The following SBK1 variants were observed in gnomAD, a reference collection of about 807,000 sequenced individuals.
The protein encoded by SBK1 is serine/threonine-protein kinase SBK1.
A neutral mutation model predicts 24.4 loss-of-function variants in SBK1; 11 were observed. The observed-to-expected ratio is 0.45, with a 90% confidence interval of 0.28 to 0.75. The LOEUF (loss-of-function observed/expected upper bound fraction) is 0.75. SBK1 is among the 30% of genes least tolerant of loss of function. SBK1 has a pLI of 0.12. For synonymous variants in SBK1, 308 were observed against 284.4 expected, an observed-to-expected ratio of 1.08 and a Z score of -0.83; for missense variants, 467 against 620.5, an observed-to-expected ratio of 0.75 and a Z score of 2.63.
In SBK1 at chr16:28,317,608, A is replaced by C. The variant is rs896943465; in HGVS notation, c.217A>C (p.Lys73Gln). Residue 73 changes from lysine to glutamine, a missense_variant, in exon 2 of 4, where the codon AAG becomes CAG. Around this residue, in one of 4 missense-constraint regions of SBK1, gnomAD observed 123 missense variants for 158.2 expected, o/e 0.78. Coordinates refer to ENST00000341901, the MANE Select transcript of SBK1 (RefSeq NM_001024401.3). The surrounding 1 kb of genome is among the most constrained non-coding windows in gnomAD (Gnocchi z 4.2). ...TYGKVDLVVY[K>Q]GTGTKMALKF... The stretch of plus-strand genomic sequence containing the variant: ...TGGGAAGGTTGACCTGGTGGTCTAC[A>C]AGGGCACAGGTGAACAAGTGCAGGG... 6.2e-7 allele frequency: 1 copy of C among 1,611,164 alleles called. No individual in the cohort carries two copies. Among genetic ancestry groups the C allele is most frequent in the African/African-American group, 1.3e-5 (1 of 74,880 alleles).
At chr16:28,276,691 G>C (rs2044495549) in intron 1 of SBK1, among the ~76,000 whole-genome samples, 1 of 151,920 alleles carries the variant, frequency 6.6e-6, no homozygotes, top group Non-Finnish European at 1.5e-5. Flanking sequence ...TAGGGGCGGA[G>C]TCTCACTCTG....
intron 1 of SBK1, among the ~76,000 whole-genome samples, chr16:28,296,224 G>C (rs1276493832): frequency 1.3e-5 from 2 of 151,738 alleles, no homozygotes; most frequent in East Asian, 3.9e-4. Flanking sequence ...CTCCCGAGTA[G>C]CTGGGATTAC....
chr16:28,301,780 C>A (rs1244198090), intron 1 of SBK1, among the ~76,000 whole-genome samples: 1 of 152,240 alleles, frequency 6.6e-6, no homozygotes, highest in East Asian at 1.9e-4. Flanking sequence ...CTTACTGACA[C>A]CCACTTTGTG....
Position 28,259,445 on chromosome 16 carries a change from T to C in SBK1, c.200T>C (p.Phe67Ser). 1 of 986,008 alleles carries C rather than the reference T, an allele frequency of 1.0e-6. No homozygotes were observed. The highest frequency in any genetic ancestry group is 1.2e-6 in the Non-Finnish European group (1 of 830,442). The allele number at this position is 986,008 out of a possible 1,614,324, so 61.1% of individuals were successfully genotyped here. A position where few individuals can be genotyped will look rare whatever the true frequency, so the allele number is the denominator to read the frequency against. Residue 67 changes from phenylalanine to serine, a missense_variant, in exon 1 of 4, where the codon TTC (phenylalanine) becomes TCC (serine). Transcript: ENST00000671413. This position sits in a 1 kb window ranked among gnomAD's most constrained non-coding sequence, Gnocchi z 6.0. ...GTCGATGATGTGCCGGCCTTCTGCTTCGTCTGCTTCCACAGGGAGGAGGAA... is the reference window on the plus strand; with the variant it reads ...GTCGATGATGTGCCGGCCTTCTGCTCCGTCTGCTTCCACAGGGAGGAGGAA...
rs924563564 is a variant in SBK1, at chr16:28,265,977, G to A, written c.257+6475G>A. On this transcript the variant is annotated intron_variant, in intron 1 of 3. Coordinates refer to the SBK1 transcript ENST00000671413. The stretch of plus-strand genomic sequence containing the variant: ...CTGTCTCAATTAAAAAAAAAAAAAA[G>A]AATGCAAACATGAAGCAGTGGAAAC... 4.0e-4 allele frequency among the ~76,000 whole-genome samples: 57 copies of A among 141,926 alleles called. No individual in the cohort carries two copies. The South Asian group carries it at 8.8e-3, about 22-fold the overall frequency. 93.1% of individuals were successfully genotyped at this position (141,926 alleles called of 152,430 possible). A position where few individuals can be genotyped will look rare whatever the true frequency, so the allele number is the denominator to read the frequency against.
chr16:28,310,576 G>A (rs1239690518), intron 1 of SBK1, among the ~76,000 whole-genome samples: 3 of 152,192 alleles, frequency 2.0e-5, no homozygotes, highest in Non-Finnish European at 4.4e-5. Context: ...CTGTGCTGCT[G>A]CTCACACCTG....
In SBK1 at chr16:28,322,974, CTCTCT is replaced by C. The variant is rs2044869019; in HGVS notation, c.*2054_*2058del. On this transcript the variant is annotated 3_prime_UTR_variant, in exon 4 of 4. Coordinates refer to ENST00000341901, the MANE Select transcript of SBK1 (RefSeq NM_001024401.3). ...TCTCTCTCTCTCTCTCTCTCTCTCTCTCTCTCCTCTCTTTCTCTCTCTCCCTCTCT... is the reference window on the plus strand; with the variant it reads ...TCTCTCTCTCTCTCTCTCTCTCTCTCCCTCTCTTTCTCTCTCTCCCTCTCT... 1.5e-5 allele frequency: 2 copies of C among 129,400 alleles called. No homozygotes were observed. 8.0% of individuals were successfully genotyped at this position (129,400 alleles called of 1,614,324 possible). A position where few individuals can be genotyped will look rare whatever the true frequency, so the allele number is the denominator to read the frequency against.
At chr16:28,282,867 T>G (rs955569036) in intron 1 of SBK1, among the ~76,000 whole-genome samples, 2 of 152,284 alleles carry the variant, frequency 1.3e-5, no homozygotes, top group East Asian at 3.9e-4. Flanking sequence ...ATATAGTGAC[T>G]GTATGGGACA....
intron 1 of SBK1, among the ~76,000 whole-genome samples, chr16:28,299,108 T>C (rs2044661957): frequency 6.6e-6 from 1 of 152,122 alleles, no homozygotes; most frequent in Admixed American, 6.5e-5. Flanking sequence ...TAACACAGCT[T>C]AGTGGTAAAA....
Position 28,317,450 on chromosome 16 carries a change from G to A in SBK1, c.59G>A (p.Gly20Glu), listed in dbSNP as rs755337738. ...PPRSLTCCGP[G>E]TAPGPGAGVP... ...CGCTCCCTGACCTGCTGTGGGCCGGGGACTGCCCCTGGGCCTGGTGCCGGT... is the reference window on the plus strand; with the variant it reads ...CGCTCCCTGACCTGCTGTGGGCCGGAGACTGCCCCTGGGCCTGGTGCCGGT... The change falls in exon 2 of 4, where the codon GGG becomes GAG. Residue 20 changes from glycine to glutamate, a missense_variant. By Grantham distance (98) the Gly-to-Glu change is moderately conservative. Coordinates refer to ENST00000341901, the MANE Select transcript of SBK1 (RefSeq NM_001024401.3). The surrounding 1 kb of genome is among the most constrained non-coding windows in gnomAD (Gnocchi z 4.2). 6 of 1,614,018 alleles carry A rather than the reference G, an allele frequency of 3.7e-6. 1 individual carries two copies. The South Asian group carries it at 5.5e-5, about 15-fold the overall frequency.
rs1486420516 is a variant in SBK1 at position 28,308,412 on chromosome 16, A to G, written c.-7-8973A>G. 5.2e-5 allele frequency among the ~76,000 whole-genome samples: 7 copies of G among 135,238 alleles called. No homozygotes were observed. The Admixed American group carries it at 5.4e-4, about 11-fold the overall frequency. The allele number at this position is 135,238 out of a possible 152,430, so 88.7% of individuals were successfully genotyped here. ...GTGATCTGCCTGCCTCAGCCTCCCA[A>G]ATTGCTGGGATTACAGGTGTGAGCC... On this transcript the variant is annotated intron_variant, in intron 1 of 3. Transcript: ENST00000341901.
intron 1 of SBK1, among the ~76,000 whole-genome samples, chr16:28,277,097 G>T (rs2044498167): frequency 6.6e-6 from 1 of 152,062 alleles, no homozygotes; most frequent in African/African-American, 2.4e-5. Flanking sequence ...AGGCTGGGGT[G>T]TGGGCCTGGG....
chr16:28,262,228 C>T (rs1312969952), intron 1 of SBK1, among the ~76,000 whole-genome samples: 1 of 152,102 alleles, frequency 6.6e-6, no homozygotes, highest in African/African-American at 2.4e-5. Context: ...TGGCTGCCCC[C>T]AGCCAACCCC....
intron 1 of SBK1, among the ~76,000 whole-genome samples, chr16:28,260,084 T>TTGTGTG (rs71140958): frequency 0.12 from 18,265 of 149,846 alleles, 1,249 homozygotes; most frequent in Middle Eastern, 0.25. Context: ...GTGTATTTGC[T>TTGTGTG]TGTGTGTGTG....
rs2044790149 is a variant in SBK1, at chr16:28,315,703, G to A, written c.-7-1682G>A. Among the ~76,000 whole-genome samples, 3 of 152,344 alleles carry A rather than the reference G, an allele frequency of 2.0e-5. No homozygotes were observed. The South Asian group carries it at 6.2e-4, about 32-fold the overall frequency. On this transcript the variant is annotated intron_variant, in intron 1 of 3. Transcript: ENST00000341901. ...TTGAGCCCAGGAGTTCGAGGCTGCAGTGAGCTATGATCATCCTACTGCCCT... is the reference window on the plus strand; with the variant it reads ...TTGAGCCCAGGAGTTCGAGGCTGCAATGAGCTATGATCATCCTACTGCCCT...
chr16:28,313,071 G>A (rs2044765151), intron 1 of SBK1, among the ~76,000 whole-genome samples: 2 of 152,128 alleles, frequency 1.3e-5, no homozygotes, highest in Admixed American at 6.6e-5. Flanking sequence ...CAGAGGTTGC[G>A]GCGAGCCAAG....
chr16:28,287,180 CCT>C (rs1344393660), intron 1 of SBK1: 1 of 150,062 alleles, frequency 6.7e-6, no homozygotes, highest in Non-Finnish European at 1.5e-5. Flanking sequence ...GTAGCTCACG[CCT>C]GTCATCCCAG....
At chr16:28,277,922 C>A (rs4635350) in intron 1 of SBK1, among the ~76,000 whole-genome samples, 1 of 152,082 alleles carries the variant, frequency 6.6e-6, no homozygotes, top group Non-Finnish European at 1.5e-5. Flanking sequence ...GCGGATTCCG[C>A]GGACAAAGTC....
chr16:28,316,747 C>G (rs1275054178), intron 1 of SBK1, among the ~76,000 whole-genome samples: 4 of 152,182 alleles, frequency 2.6e-5, no homozygotes, highest in African/African-American at 9.7e-5. Context: ...GGTGTGGTGG[C>G]ACATGCCTGT....
Sources: allele counts gnomAD v4.1 joint callset (sites outside exome capture counted in the v4.1 genomes callset), GRCh38; gene constraint gnomAD v4.1.1; regional missense constraint gnomAD v4.1.1; non-coding constraint Gnocchi (gnomAD v3.1); transcripts MANE v1.5; gene names NCBI Gene and HGNC (gene_info 2026-07-23, HGNC 2026-07-21).